The following ADAMTS17 variants were observed in gnomAD, a reference collection of about 807,000 sequenced individuals.
ADAMTS17 encodes the protein ADAM metallopeptidase with thrombospondin type 1 motif 17, also known as A disintegrin and metalloproteinase with thrombospondin motifs 17.
ADAMTS17 carries 113 observed loss-of-function variants against 141.5 expected under a neutral mutation model. That is an observed-to-expected ratio of 0.80 (90% CI 0.69 to 0.93). The LOEUF is 0.93. Ranked by LOEUF, ADAMTS17 falls within the 40% of genes least tolerant of loss-of-function variation. The pLI is 0.00. For missense variants in ADAMTS17, 1,659 were observed against 1,517.9 expected (o/e 1.09, Z -1.54); for synonymous variants, 768 against 630.6 (o/e 1.22, Z -3.27).
At chr15:100,199,104 A>G (rs2041225667) in intron 8 of ADAMTS17, among the ~76,000 whole-genome samples, 1 of 152,228 alleles carries the variant, frequency 6.6e-6, no homozygotes, top group Non-Finnish European at 1.5e-5. Flanking sequence ...AGATGTGCAC[A>G]TCAAATTAAC....
intron 7 of ADAMTS17, among the ~76,000 whole-genome samples, chr15:100,218,738 A>G (rs115537057): frequency 2.5e-4 from 38 of 152,358 alleles, no homozygotes; most frequent in African/African-American, 8.7e-4. Context: ...CATATACGAA[A>G]GAACTGAAAA....
At chr15:100,309,995 G>A (rs753064403) in intron 3 of ADAMTS17, among the ~76,000 whole-genome samples, 3 of 152,230 alleles carry the variant, frequency 2.0e-5, no homozygotes, top group Non-Finnish European at 4.4e-5. Flanking sequence ...GGGACAATGT[G>A]CCCCGAGGGA....
intron 15 of ADAMTS17, among the ~76,000 whole-genome samples, chr15:100,085,633 C>T (rs148900093): frequency 0.014 from 2,060 of 151,966 alleles, 47 homozygotes; most frequent in African/African-American, 0.046. Context: ...CATCATCAGA[C>T]GAAGAGCTGA....
In ADAMTS17 at chr15:99,997,258, G is replaced by A. The variant is rs1048056829; in HGVS notation, c.2796+127C>T. 3.9e-6 allele frequency: 4 copies of A among 1,014,224 alleles called. No individual in the cohort carries two copies. The highest frequency in any genetic ancestry group is 1.6e-5 in the African/African-American group (1 of 63,894). 62.8% of individuals were successfully genotyped at this position (1,014,224 alleles called of 1,614,324 possible). On this transcript the variant is annotated intron_variant, in intron 19 of 21. Coordinates refer to ENST00000268070, the MANE Select transcript of ADAMTS17 (RefSeq NM_139057.4). This position sits in a 1 kb window ranked among gnomAD's most constrained non-coding sequence, Gnocchi z 4.7. ...TGAGATGGAAATTAAGAACACATGA[G>A]CTATAACACAACTTCAAGCTGACCT...
At chr15:100,055,192 A>T (rs1202134553) in intron 15 of ADAMTS17, among the ~76,000 whole-genome samples, 1 of 152,062 alleles carries the variant, frequency 6.6e-6, no homozygotes, top group African/African-American at 2.4e-5. Context: ...CATATATCTC[A>T]TTGGGACCCT....
At chr15:99,976,836 C>A (rs1201952574) in intron 20 of ADAMTS17, among the ~76,000 whole-genome samples, 1 of 152,232 alleles carries the variant, frequency 6.6e-6, no homozygotes, top group Non-Finnish European at 1.5e-5. Context: ...TACTTGGTGA[C>A]AGCAGCCAGG....
chr15:100,141,535 C>A (rs1195063575), intron 10 of ADAMTS17, among the ~76,000 whole-genome samples: 1 of 152,214 alleles, frequency 6.6e-6, no homozygotes, highest in East Asian at 1.9e-4. Flanking sequence ...ATTTTCCACA[C>A]ATACTACTGC....
chr15:100,338,454 C>T (rs529909558), intron 2 of ADAMTS17, among the ~76,000 whole-genome samples: 2 of 152,208 alleles, frequency 1.3e-5, no homozygotes, highest in East Asian at 3.9e-4. Context: ...TAACATGATA[C>T]TCAACATCCG....
Position 100,206,733 on chromosome 15 carries a change from T to C in ADAMTS17, c.1076-7310A>G, listed in dbSNP as rs189276114. Reference sequence around the variant, plus strand: ...CAACTAAGTCTTCCATGGGGTCAGATATCCCCAAAGGGAATCTGGGAATGG... The same window carrying C: ...CAACTAAGTCTTCCATGGGGTCAGACATCCCCAAAGGGAATCTGGGAATGG... On this transcript the variant is annotated intron_variant, in intron 7 of 21. Transcript: ENST00000268070. Among the ~76,000 whole-genome samples the C allele has an allele frequency of 2.9e-3, 441 of 152,298 alleles. 1 individual carries two copies. Among genetic ancestry groups the C allele is most frequent in the Non-Finnish European group, 3.5e-3 (240 of 68,032 alleles).
At chr15:100,315,818 C>T (rs1475272369) in intron 3 of ADAMTS17, among the ~76,000 whole-genome samples, 31 of 152,328 alleles carry the variant, frequency 2.0e-4, no homozygotes, top group Admixed American at 1.8e-3. Flanking sequence ...TAAACACTGC[C>T]CCAGGCCTGG....
At chr15:100,220,364 C>T (rs2042095440) in intron 7 of ADAMTS17, among the ~76,000 whole-genome samples, 1 of 142,406 alleles carries the variant, frequency 7.0e-6, no homozygotes, top group Admixed American at 7.0e-5. Context: ...TCTTTGCCAC[C>T]TTTCTTCTTT....
In ADAMTS17 at chr15:99,974,281, G is replaced by A. The variant is rs1246028530; in HGVS notation, c.*121C>T. The A allele has an allele frequency of 7.7e-7, 1 of 1,306,096 alleles. No homozygotes were observed. Among genetic ancestry groups the A allele is most frequent in the Non-Finnish European group, 1.1e-6 (1 of 912,502 alleles). 80.9% of individuals were successfully genotyped at this position (1,306,096 alleles called of 1,614,324 possible). On this transcript the variant is annotated 3_prime_UTR_variant, in exon 22 of 22. Transcript: ENST00000268070. ...TGGCAAACGCCAAGTCCACGCTCAT[G>A]TTCTATGTAGTTGGATTCTTGTGGC...
intron 3 of ADAMTS17, among the ~76,000 whole-genome samples, chr15:100,289,564 AC>A (rs2044563016): frequency 6.6e-6 from 1 of 151,830 alleles, no homozygotes; most frequent in Non-Finnish European, 1.5e-5. Context: ...ACACACACAC[AC>A]ACACACTCTT....
intron 4 of ADAMTS17, 29 bp from the exon 5 acceptor site, chr15:100,262,464 T>C: frequency 6.3e-7 from 1 of 1,590,308 alleles, no homozygotes; most frequent in Non-Finnish European, 8.6e-7. Context: ...GAAATAAAGA[T>C]ATAAAGATAA....
intron 3 of ADAMTS17, among the ~76,000 whole-genome samples, chr15:100,291,306 C>T (rs1298137642): frequency 6.6e-6 from 1 of 152,186 alleles, no homozygotes; most frequent in Admixed American, 6.5e-5. Context: ...GATACCATCT[C>T]ATACCAGTTA....
At chr15:100,148,152 C>A (rs958053490) in intron 10 of ADAMTS17, among the ~76,000 whole-genome samples, 19 of 152,232 alleles carry the variant, frequency 1.2e-4, no homozygotes, top group Admixed American at 3.9e-4. Flanking sequence ...GCCACACTGG[C>A]AAAGTCCTTT....
At chr15:100,237,164 T>C (rs1490537064) in intron 7 of ADAMTS17, among the ~76,000 whole-genome samples, 1 of 152,190 alleles carries the variant, frequency 6.6e-6, no homozygotes, top group Non-Finnish European at 1.5e-5. Context: ...ATCGTGTCAC[T>C]ATGCAGCCCG....
intron 15 of ADAMTS17, among the ~76,000 whole-genome samples, chr15:100,071,884 T>C (rs1362669019): frequency 2.7e-5 from 4 of 150,182 alleles, no homozygotes; most frequent in African/African-American, 7.4e-5. Flanking sequence ...CTATTCAACA[T>C]AGTGTTGGAA....
chr15:100,309,278 G>A (rs1318327684), intron 3 of ADAMTS17, among the ~76,000 whole-genome samples: 3 of 152,314 alleles, frequency 2.0e-5, no homozygotes, highest in South Asian at 2.1e-4. Context: ...TGGGAGGATC[G>A]CTCGAGGAAG....
Sources: gnomAD v4.1 joint callset for allele counts (sites outside exome capture counted in the v4.1 genomes callset) on GRCh38, gnomAD v4.1.1 for gene constraint, Gnocchi (gnomAD v3.1) non-coding constraint, MANE v1.5 for transcripts, NCBI Gene and HGNC (gene_info 2026-07-23, HGNC 2026-07-21) for gene names.